NKAIN2: variants seen among roughly 807,000 people sequenced by gnomAD.
NKAIN2 encodes the protein sodium/potassium-transporting ATPase subunit beta-1-interacting protein 2.
In NKAIN2, 14 loss-of-function variants were observed where a neutral mutation model predicts 32.6. The ratio of observed to expected loss-of-function variants is 0.43; its 90% CI spans 0.28 to 0.67. The LOEUF (loss-of-function observed/expected upper bound fraction) is 0.67. Among genes scored for constraint, NKAIN2 ranks in the 30% least tolerant of loss-of-function variants. The pLI, the probability that NKAIN2 is intolerant of heterozygous loss-of-function variation, is 0.17. For missense variants in NKAIN2, 198 were observed against 258.3 expected (o/e 0.77, Z 1.60); for synonymous variants, 80 against 87.2 (o/e 0.92, Z 0.46).
intron 2 of NKAIN2, among the ~76,000 whole-genome samples, chr6:124,295,819 T>G (rs1016457521): frequency 3.3e-5 from 5 of 152,266 alleles, no homozygotes; most frequent in African/African-American, 9.6e-5. Context: ...AAAATTGTAT[T>G]TCTTTTAACC....
In NKAIN2 at chr6:124,818,383, T is replaced by C; in HGVS notation, c.536-4T>C. The C allele has an allele frequency of 6.4e-7, 1 of 1,566,848 alleles. No individual in the cohort carries two copies. Among genetic ancestry groups the C allele is most frequent in the Non-Finnish European group, 8.8e-7 (1 of 1,138,374 alleles). On this transcript the variant is annotated splice_region_variant and splice_polypyrimidine_tract_variant and intron_variant, in intron 5 of 6. Transcript: ENST00000368417. Reference sequence around the variant, plus strand: ...AAGCTAATTAATGAATTGTCCCTTTTCAGTTGATTTCATAGGTGGCTTTGA... The same window carrying C: ...AAGCTAATTAATGAATTGTCCCTTTCCAGTTGATTTCATAGGTGGCTTTGA...
chr6:123,910,755 T>C (rs1369222446), intron 1 of NKAIN2, among the ~76,000 whole-genome samples: 2 of 151,816 alleles, frequency 1.3e-5, no homozygotes, highest in Non-Finnish European at 2.9e-5. Flanking sequence ...CTGCCCGCCT[T>C]AGCCTCCCAA....
intron 1 of NKAIN2, among the ~76,000 whole-genome samples, chr6:124,183,039 T>G (rs1789526989): frequency 6.6e-6 from 1 of 152,156 alleles, no homozygotes; most frequent in Admixed American, 6.5e-5. Flanking sequence ...TTTATTTTAG[T>G]GCTAGGCTAC....
chr6:124,814,727 G>A (rs1339892535), intron 5 of NKAIN2, among the ~76,000 whole-genome samples: 1 of 152,044 alleles, frequency 6.6e-6, no homozygotes, highest in Non-Finnish European at 1.5e-5. Flanking sequence ...CATGGCTTCT[G>A]ACTCAAGCTT....
chr6:124,293,469 G>C (rs189315717), intron 2 of NKAIN2, among the ~76,000 whole-genome samples: 1 of 151,910 alleles, frequency 6.6e-6, no homozygotes, highest in African/African-American at 2.4e-5. Flanking sequence ...TTTTTCTGTG[G>C]TATAGAATAA....
At chr6:124,285,001 C>T (rs1447841551) in intron 2 of NKAIN2, among the ~76,000 whole-genome samples, 1 of 152,128 alleles carries the variant, frequency 6.6e-6, no homozygotes, top group East Asian at 1.9e-4. Flanking sequence ...TGGCTACTTT[C>T]TCTGGCATGG....
chr6:124,182,124 G>A (rs761332004), intron 1 of NKAIN2, among the ~76,000 whole-genome samples: 1 of 152,174 alleles, frequency 6.6e-6, no homozygotes, highest in Non-Finnish European at 1.5e-5. Context: ...CTTGGCAGCA[G>A]GCAAGAGAGC....
intron 3 of NKAIN2, among the ~76,000 whole-genome samples, chr6:124,379,946 C>T (rs1252515301): frequency 1.3e-5 from 2 of 151,874 alleles, no homozygotes; most frequent in Non-Finnish European, 2.9e-5. Context: ...CTGAGTTTAC[C>T]AAGGAGAAGA....
At chr6:123,953,702 A>C (rs189454720) in intron 1 of NKAIN2, among the ~76,000 whole-genome samples, 10 of 152,164 alleles carry the variant, frequency 6.6e-5, no homozygotes, top group African/African-American at 2.4e-4. Context: ...GACACCTTTG[A>C]GTTGGAGCCA....
At chr6:124,142,758 A>G (rs916545370) in intron 1 of NKAIN2, among the ~76,000 whole-genome samples, 5 of 152,238 alleles carry the variant, frequency 3.3e-5, no homozygotes, top group African/African-American at 1.2e-4. Context: ...ACTATATTCT[A>G]GTTATAGCAG....
chr6:124,646,721 C>T (rs1784182696), intron 3 of NKAIN2, among the ~76,000 whole-genome samples: 2 of 152,010 alleles, frequency 1.3e-5, no homozygotes, highest in Admixed American at 1.3e-4. Context: ...GAAGCCGAGG[C>T]GAGTAGATCA....
At chr6:124,116,288 G>A (rs1218157763) in intron 1 of NKAIN2, among the ~76,000 whole-genome samples, 1 of 152,124 alleles carries the variant, frequency 6.6e-6, no homozygotes, top group Non-Finnish European at 1.5e-5. Context: ...TCTTTTGGCT[G>A]TGTTGTAAAG....
At chr6:124,102,018 C>G (rs991752442) in intron 1 of NKAIN2, among the ~76,000 whole-genome samples, 4 of 152,162 alleles carry the variant, frequency 2.6e-5, no homozygotes, top group African/African-American at 9.7e-5. Flanking sequence ...CCAACACTCA[C>G]GCAGGTGGCA....
At chr6:123,951,259 A>G (rs1222699375) in intron 1 of NKAIN2, among the ~76,000 whole-genome samples, 1 of 151,980 alleles carries the variant, frequency 6.6e-6, no homozygotes, top group African/African-American at 2.4e-5. Context: ...TGTTCTGTAA[A>G]TGTCTGTTAG....
chr6:123,911,069 G>T (rs942755393), intron 1 of NKAIN2, among the ~76,000 whole-genome samples: 14 of 152,010 alleles, frequency 9.2e-5, no homozygotes, highest in African/African-American at 2.9e-4. Flanking sequence ...TACCTAGGTT[G>T]CTATATTCTC....
chr6:124,718,247 C>G (rs1315464856), intron 4 of NKAIN2, among the ~76,000 whole-genome samples: 3 of 152,168 alleles, frequency 2.0e-5, no homozygotes, highest in Non-Finnish European at 2.9e-5. Context: ...TCTCTCCCTT[C>G]TCCCATCCCC....
chr6:124,219,626 A>G (rs1791700307), intron 1 of NKAIN2, among the ~76,000 whole-genome samples: 1 of 152,090 alleles, frequency 6.6e-6, no homozygotes, highest in Non-Finnish European at 1.5e-5. Flanking sequence ...TAAGTGTAGA[A>G]GATATAAGCA....
chr6:124,367,699 A>G (rs1462206741), intron 3 of NKAIN2, among the ~76,000 whole-genome samples: 2 of 152,098 alleles, frequency 1.3e-5, no homozygotes, highest in Non-Finnish European at 2.9e-5. Flanking sequence ...ACTTCGACAT[A>G]GGGCACAAGG....
intron 1 of NKAIN2, among the ~76,000 whole-genome samples, chr6:124,100,832 A>G (rs1387227744): frequency 2.6e-5 from 4 of 152,132 alleles, no homozygotes; most frequent in African/African-American, 9.7e-5. Flanking sequence ...ATTAATAGCA[A>G]TTTCTCCTTG....
Sources: gnomAD v4.1 joint callset for allele counts (sites outside exome capture counted in the v4.1 genomes callset) on GRCh38, gnomAD v4.1.1 for gene constraint, MANE v1.5 for transcripts, NCBI Gene and HGNC (gene_info 2026-07-23, HGNC 2026-07-21) for gene names.